Variants in CWC27 observed in about 807,000 individuals in gnomAD.
The protein encoded by CWC27 is spliceosome-associated protein CWC27 homolog.
CWC27 carries 47 observed loss-of-function variants against 63.6 expected under a neutral mutation model. The observed-to-expected ratio is 0.74, with a 90% CI of 0.58 to 0.94. CWC27 has a LOEUF of 0.94. CWC27 is among the 40% of genes least tolerant of loss of function. The pLI, the probability that CWC27 is intolerant of heterozygous loss-of-function variation, is 0.00. For missense variants in CWC27, 495 were observed against 554.3 expected (o/e 0.89, Z 1.07); for synonymous variants, 175 against 179.8 (o/e 0.97, Z 0.22).
intron 13 of CWC27, among the ~76,000 whole-genome samples, chr5:65,001,062 GGT>G (rs138378685): frequency 2.7e-5 from 4 of 150,654 alleles, no homozygotes; most frequent in Admixed American, 6.6e-5. Flanking sequence ...TTCCTAGTTT[GGT>G]GTGTGTGTGT....
At chr5:64,857,802 T>C (rs1261824102) in intron 10 of CWC27, among the ~76,000 whole-genome samples, 2 of 152,214 alleles carry the variant, frequency 1.3e-5, no homozygotes, top group Admixed American at 1.3e-4. Context: ...AGCAGGAACT[T>C]CAACAAAGTT....
chr5:64,949,276 A>G (rs1454129249), intron 11 of CWC27, among the ~76,000 whole-genome samples: 1 of 152,030 alleles, frequency 6.6e-6, no homozygotes, highest in Non-Finnish European at 1.5e-5. Flanking sequence ...TATTTTTCAA[A>G]GTGAAATGAA....
At chr5:64,929,084 A>G (rs1748180413) in intron 11 of CWC27, among the ~76,000 whole-genome samples, 1 of 152,118 alleles carries the variant, frequency 6.6e-6, no homozygotes, top group Non-Finnish European at 1.5e-5. Flanking sequence ...TTCTCATTAT[A>G]GAAGAAAGGA....
At chr5:64,855,586 C>G (rs753082890) in intron 10 of CWC27, among the ~76,000 whole-genome samples, 5 of 152,044 alleles carry the variant, frequency 3.3e-5, no homozygotes, top group Admixed American at 6.5e-5. Flanking sequence ...TTTAAACTTA[C>G]AGAAGTAAAT....
chr5:64,943,250 A>C (rs1349202758), intron 11 of CWC27, among the ~76,000 whole-genome samples: 2 of 152,234 alleles, frequency 1.3e-5, no homozygotes, highest in African/African-American at 4.8e-5. Flanking sequence ...GAAAGATATA[A>C]GGATTTATAA....
intron 11 of CWC27, among the ~76,000 whole-genome samples, chr5:64,904,767 A>T (rs947454555): frequency 6.6e-6 from 1 of 152,186 alleles, no homozygotes. Context: ...TGATAAACAC[A>T]CTGAATGCAA....
chr5:64,940,658 T>TA (rs1561164433), intron 11 of CWC27, among the ~76,000 whole-genome samples: 1 of 152,056 alleles, frequency 6.6e-6, no homozygotes, highest in African/African-American at 2.4e-5. Flanking sequence ...CATTCCACTC[T>TA]AAAAAAGGGC....
chr5:64,983,656 C>T (rs930384538), intron 13 of CWC27, among the ~76,000 whole-genome samples: 7 of 152,182 alleles, frequency 4.6e-5, no homozygotes, highest in Non-Finnish European at 8.8e-5. Context: ...TAAATGTACC[C>T]GTTGTCACTG....
intron 10 of CWC27, among the ~76,000 whole-genome samples, chr5:64,815,121 G>T (rs761953038): frequency 3.9e-5 from 6 of 152,086 alleles, no homozygotes; most frequent in Admixed American, 1.3e-4. Context: ...GGTCCTTTCT[G>T]ATATACCTCT....
intron 10 of CWC27, among the ~76,000 whole-genome samples, chr5:64,817,130 C>A (rs1469098421): frequency 1.3e-5 from 2 of 152,076 alleles, no homozygotes; most frequent in Non-Finnish European, 2.9e-5. Flanking sequence ...GCTCACTTTG[C>A]ACCAAGCATA....
At chr5:64,797,359 T>G (rs1407899570) in intron 7 of CWC27, among the ~76,000 whole-genome samples, 1 of 152,142 alleles carries the variant, frequency 6.6e-6, no homozygotes, top group African/African-American at 2.4e-5. Context: ...CTCTTAAGGA[T>G]TGTCTCCTAA....
intron 13 of CWC27, among the ~76,000 whole-genome samples, chr5:64,984,404 C>T (rs1309569): frequency 0.45 from 68,995 of 152,000 alleles, 15,825 homozygotes; most frequent in African/African-American, 0.49. Context: ...CCATGGAAAA[C>T]AATGGTTGGC....
At position 64,953,385 on chromosome 5, in the gene CWC27, G is replaced by A. The variant is rs147441517; in HGVS notation, c.1043-18318G>A. 4.3e-3 allele frequency among the ~76,000 whole-genome samples: 654 copies of A among 152,228 alleles called. 6 individuals carry two copies. Among genetic ancestry groups the A allele is most frequent in the African/African-American group, 0.015 (622 of 41,572 alleles). ...GAGACAGACTCAAACCTTCACCCGA[G>A]TGAGTGACAGAGCTTGGAATAGAAT... On this transcript the variant is annotated intron_variant, in intron 11 of 13. Transcript: ENST00000381070.
chr5:64,947,335 T>G (rs1484245816), intron 11 of CWC27, among the ~76,000 whole-genome samples: 2 of 152,132 alleles, frequency 1.3e-5, no homozygotes, highest in Non-Finnish European at 2.9e-5. Context: ...GCATTCTTAT[T>G]GCTCCTGTGT....
chr5:64,886,003 G>C (rs1747065870), intron 11 of CWC27, among the ~76,000 whole-genome samples: 1 of 151,934 alleles, frequency 6.6e-6, no homozygotes, highest in South Asian at 2.1e-4. Flanking sequence ...CCTGTGGTTG[G>C]GACTTAGGTA....
chr5:64,832,705 T>A (rs1163668656), intron 10 of CWC27, among the ~76,000 whole-genome samples: 1 of 151,848 alleles, frequency 6.6e-6, no homozygotes, highest in African/African-American at 2.4e-5. Flanking sequence ...TGGCATTTTT[T>A]AAAAACTACT....
At chr5:64,832,098 C>A (rs1041102680) in intron 10 of CWC27, among the ~76,000 whole-genome samples, 20 of 151,874 alleles carry the variant, frequency 1.3e-4, no homozygotes, top group African/African-American at 4.8e-4. Context: ...AATAAATAAA[C>A]CCTTCCTAGT....
At chr5:64,890,828 A>G (rs759613819) in intron 11 of CWC27, among the ~76,000 whole-genome samples, 39 of 152,222 alleles carry the variant, frequency 2.6e-4, no homozygotes, top group Non-Finnish European at 4.0e-4. Context: ...AAAGTGAAGT[A>G]TATCTCAATA....
intron 11 of CWC27, among the ~76,000 whole-genome samples, chr5:64,968,576 A>G (rs1343709444): frequency 6.6e-6 from 1 of 152,222 alleles, no homozygotes; most frequent in Non-Finnish European, 1.5e-5. Flanking sequence ...TTGCTCACCA[A>G]AATAAGCCAG....
Sources: gnomAD v4.1 joint callset for allele counts (sites outside exome capture counted in the v4.1 genomes callset) on GRCh38, gnomAD v4.1.1 for gene constraint, MANE v1.5 for transcripts, NCBI Gene and HGNC (gene_info 2026-07-23, HGNC 2026-07-21) for gene names.